Variants in PLEKHS1 observed in about 807,000 individuals in gnomAD.
The protein encoded by PLEKHS1 is pleckstrin homology domain-containing family S member 1.
PLEKHS1 carries 55 observed loss-of-function variants against 51.0 expected under a neutral mutation model. The observed-to-expected ratio is 1.08, with a 90% CI of 0.87 to 1.35. The LOEUF is 1.35. PLEKHS1 is among the 40% of genes most tolerant of loss of function. The probability of loss-of-function intolerance (pLI) is 0.00; values close to 1 mark genes in which losing one functional copy is unlikely to be tolerated. For missense variants in PLEKHS1, 398 were observed against 423.0 expected, an observed-to-expected ratio of 0.94 and a Z score of 0.52; for synonymous variants, 153 against 144.8, an observed-to-expected ratio of 1.06 and a Z score of -0.41.
At chr10:113,775,661 G>T in intron 10 of PLEKHS1, 104 bp from the exon 11 acceptor site, 2 of 677,972 alleles carry the variant, frequency 2.9e-6, no homozygotes, top group South Asian at 2.3e-5. Flanking sequence ...CCTTTACCTG[G>T]ACAATGTCAT....
intron 2 of PLEKHS1, among the ~76,000 whole-genome samples, chr10:113,759,125 C>T (rs181029598): frequency 2.0e-5 from 3 of 152,206 alleles, no homozygotes; most frequent in East Asian, 1.9e-4. Flanking sequence ...TAAATGTGGC[C>T]GGGTGCGGTG....
intron 2 of PLEKHS1, among the ~76,000 whole-genome samples, chr10:113,762,083 CA>C (rs1461546011): frequency 6.6e-6 from 1 of 151,950 alleles, no homozygotes; most frequent in East Asian, 1.9e-4. Context: ...CCTAAGTTGC[CA>C]AATTTATTGG....
intron 10 of PLEKHS1, among the ~76,000 whole-genome samples, 156 bp from the exon 11 acceptor site, chr10:113,775,609 C>A (rs1423295198): frequency 6.6e-6 from 1 of 152,144 alleles, no homozygotes; most frequent in African/African-American, 2.4e-5. Context: ...GAGGATTTTT[C>A]AGTAACTTAA....
intron 2 of PLEKHS1, among the ~76,000 whole-genome samples, chr10:113,756,526 G>A (rs1447272579): frequency 1.3e-5 from 2 of 152,158 alleles, no homozygotes; most frequent in African/African-American, 4.8e-5. Context: ...GGGAAATTAA[G>A]ATTAGGCTGT....
intron 7 of PLEKHS1, 54 bp from the exon 8 acceptor site, chr10:113,771,916 T>G: frequency 6.4e-7 from 1 of 1,567,910 alleles, no homozygotes; most frequent in Non-Finnish European, 8.6e-7. Context: ...TGCATGTGAT[T>G]TAATTCTATC....
chr10:113,777,377 C>A (rs1844720929), intron 11 of PLEKHS1, 118 bp downstream of exon 12: 2 of 1,609,490 alleles, frequency 1.2e-6, no homozygotes, highest in African/African-American at 1.3e-5. Context: ...CATTCTTCCA[C>A]CATCAAGTGC....
At chr10:113,764,056 A>G (rs758267233) in intron 2 of PLEKHS1, among the ~76,000 whole-genome samples, 4 of 152,170 alleles carry the variant, frequency 2.6e-5, no homozygotes, top group African/African-American at 4.8e-5. Flanking sequence ...TGAATATAGA[A>G]TTTTGAATGA....
At chr10:113,756,970 G>A (rs1356204095) in intron 2 of PLEKHS1, among the ~76,000 whole-genome samples, 2 of 139,108 alleles carry the variant, frequency 1.4e-5, no homozygotes, top group Admixed American at 8.0e-5. Context: ...AGGCTGGAGT[G>A]CAGTGGTGCG....
At chr10:113,770,995 G>C (rs531713823) in intron 7 of PLEKHS1, among the ~76,000 whole-genome samples, 3 of 152,148 alleles carry the variant, frequency 2.0e-5, no homozygotes, top group Non-Finnish European at 4.4e-5. Context: ...AAACACACCT[G>C]TATTTTAAAA....
intron 5 of PLEKHS1, among the ~76,000 whole-genome samples, chr10:113,767,725 C>T (rs1420377867): frequency 6.6e-6 from 1 of 152,114 alleles, no homozygotes; most frequent in African/African-American, 2.4e-5. Flanking sequence ...TCTCACTGTT[C>T]CAGGGGCTAG....
chr10:113,753,835 G>T (rs1329877779), intron 1 of PLEKHS1, among the ~76,000 whole-genome samples: 2 of 151,936 alleles, frequency 1.3e-5, no homozygotes, highest in Non-Finnish European at 2.9e-5. Context: ...ATTTGAGATG[G>T]AGTCTTGCTC....
chr10:113,777,285 C>T, intron 11 of PLEKHS1, 26 bp downstream of exon 12: 1 of 1,611,284 alleles, frequency 6.2e-7, no homozygotes. Flanking sequence ...CAGCCCTGAA[C>T]AGGGCAAATC....
rs754516057 is a variant in PLEKHS1 at position 113,774,212 on chromosome 10, TC to T, written c.673-13del. On this transcript the variant is annotated splice_polypyrimidine_tract_variant and intron_variant, in intron 8 of 11. Coordinates refer to ENST00000361048, the Ensembl canonical transcript of PLEKHS1. ...GGTAAACTGGGATTCTTACATCTAT[TC>T]CTTTTATCTGCAGTTGGATAATATC... is the stretch of plus-strand genomic sequence containing the variant. 6.7e-7 allele frequency: 1 copy of T among 1,496,940 alleles called. No individual in the cohort carries two copies. Among genetic ancestry groups the T allele is most frequent in the African/African-American group, 1.4e-5 (1 of 71,870 alleles). The allele number at this position is 1,496,940 out of a possible 1,614,324, so 92.7% of individuals were successfully genotyped here. A position where few individuals can be genotyped will look rare whatever the true frequency, so the allele number is the denominator to read the frequency against.
At chr10:113,780,035 C>T (rs1844819103) in intron 11 of PLEKHS1, among the ~76,000 whole-genome samples, 1 of 152,078 alleles carries the variant, frequency 6.6e-6, no homozygotes, top group Admixed American at 6.6e-5. Context: ...AAAGGAAGAA[C>T]AGCCATTGGC....
chr10:113,768,388 TC>T (rs1256780416), intron 5 of PLEKHS1, among the ~76,000 whole-genome samples: 1 of 152,178 alleles, frequency 6.6e-6, no homozygotes, highest in Non-Finnish European at 1.5e-5. Flanking sequence ...TTTTAAGTTG[TC>T]CTGTGAGTCC....
At chr10:113,780,916 TG>T in exon 12 of PLEKHS1, 13 of 757,026 alleles carry the variant, frequency 1.7e-5, no homozygotes, top group Non-Finnish European at 2.3e-5. Flanking sequence ...ACAATGGGGA[TG>T]ACTATCCCCT....
chr10:113,769,224 G>A lies in PLEKHS1; in HGVS notation c.435+334G>A, dbSNP rs559683025. Among the ~76,000 whole-genome samples the A allele has an allele frequency of 2.6e-5, 4 of 152,280 alleles. No individual in the cohort carries two copies. In the South Asian group the frequency reaches 8.3e-4, roughly 32 times the overall value. ...GACAAGCTCCCTTTTGAATGACTAAGTCTAGGGCAGTTTCTATAAAAATGT... is the reference window on the plus strand; with the variant it reads ...GACAAGCTCCCTTTTGAATGACTAAATCTAGGGCAGTTTCTATAAAAATGT... On this transcript the variant is annotated intron_variant, in intron 6 of 11. Coordinates refer to ENST00000361048, the Ensembl canonical transcript of PLEKHS1.
intron 11 of PLEKHS1, among the ~76,000 whole-genome samples, chr10:113,776,219 A>G (rs115199943): frequency 0.019 from 2,957 of 152,270 alleles, 81 homozygotes; most frequent in African/African-American, 0.066. Flanking sequence ...AAATTAGTGA[A>G]GTCAACAAGA....
intron 11 of PLEKHS1, among the ~76,000 whole-genome samples, chr10:113,778,449 T>C (rs1248895486): frequency 1.3e-5 from 2 of 152,228 alleles, no homozygotes; most frequent in African/African-American, 2.4e-5. Flanking sequence ...AGGAATTTTG[T>C]GATTGTGTAG....
Sources: gnomAD v4.1 joint callset for allele counts (sites outside exome capture counted in the v4.1 genomes callset) on GRCh38, gnomAD v4.1.1 for gene constraint, MANE v1.5 for transcripts, NCBI Gene and HGNC (gene_info 2026-07-23, HGNC 2026-07-21) for gene names.